Variants in ESR1 observed in about 807,000 individuals in gnomAD.
ESR1 encodes the protein estrogen receptor 1, also known as estrogen receptor.
ESR1 carries 12 observed loss-of-function variants against 52.7 expected under a neutral mutation model. The observed-to-expected ratio is 0.23, with a 90% CI of 0.15 to 0.37. ESR1 has a LOEUF of 0.37. Ranked by LOEUF, ESR1 falls within the 10% of genes least tolerant of loss-of-function variation. The pLI is 1.00. For missense variants in ESR1, 584 were observed against 779.7 expected, an observed-to-expected ratio of 0.75 and a Z score of 2.99; for synonymous variants, 305 against 316.8, an observed-to-expected ratio of 0.96 and a Z score of 0.39.
chr6:151,872,477 G>A (rs1791141465), intron 2 of ESR1, among the ~76,000 whole-genome samples: 1 of 152,288 alleles, frequency 6.6e-6, no homozygotes, highest in South Asian at 2.1e-4. Context: ...AAGATGATTA[G>A]TAGATGTTTT....
intron 1 of ESR1, among the ~76,000 whole-genome samples, chr6:151,700,794 A>G (rs149567647): frequency 6.6e-6 from 1 of 152,104 alleles, no homozygotes; most frequent in African/African-American, 2.4e-5. Context: ...TAAGAATTCA[A>G]CAAGTTTTTT....
At chr6:151,861,838 GA>G (rs1195107724) in intron 2 of ESR1, among the ~76,000 whole-genome samples, 1 of 152,100 alleles carries the variant, frequency 6.6e-6, no homozygotes, top group African/African-American at 2.4e-5. Context: ...ATGCTGACTG[GA>G]GTGGATTTTT....
At chr6:151,942,248 A>C (rs1584371084) in intron 3 of ESR1, among the ~76,000 whole-genome samples, 1 of 152,184 alleles carries the variant, frequency 6.6e-6, no homozygotes, top group African/African-American at 2.4e-5. Context: ...GTACCTACGT[A>C]ATGTCCTGAA....
At chr6:151,942,885 T>A (rs150548051) in intron 3 of ESR1, among the ~76,000 whole-genome samples, 11 of 152,320 alleles carry the variant, frequency 7.2e-5, no homozygotes, top group African/African-American at 2.6e-4. Context: ...TTGGAGAGAT[T>A]AACTTCTTTG....
intron 2 of ESR1, among the ~76,000 whole-genome samples, chr6:151,870,002 AT>A (rs1790673011): frequency 6.6e-6 from 1 of 152,084 alleles, no homozygotes; most frequent in Admixed American, 6.6e-5. Flanking sequence ...TCCTCACTGG[AT>A]TTTTAGGAAT....
chr6:151,999,234 T>C (rs2128738950), intron 4 of ESR1, among the ~76,000 whole-genome samples: 1 of 152,268 alleles, frequency 6.6e-6, no homozygotes, highest in Non-Finnish European at 1.5e-5. Flanking sequence ...TAAAATGATT[T>C]TGATTTCTCA....
At chr6:152,051,277 T>G (rs2046655884) in intron 5 of ESR1, among the ~76,000 whole-genome samples, 1 of 152,216 alleles carries the variant, frequency 6.6e-6, no homozygotes, top group Non-Finnish European at 1.5e-5. Context: ...TCTCCATATC[T>G]AGAGAGTCAG....
Position 151,979,400 on chromosome 6 carries a change from C to T in ESR1, c.1097-32256C>T, listed in dbSNP as rs9340937. ...TAAAATGATTTTAGGAGAAAATGGA[C>T]ATTAAATATACAACATTTCCTCCTT... is the stretch of plus-strand genomic sequence containing the variant. On this transcript the variant is annotated intron_variant, in intron 4 of 7. Coordinates refer to ENST00000206249, the MANE Select transcript of ESR1 (RefSeq NM_000125.4). 2.2e-4 allele frequency among the ~76,000 whole-genome samples: 34 copies of T among 152,110 alleles called. No individual in the cohort carries two copies. In the East Asian group the frequency reaches 5.6e-3, roughly 25 times the overall value.
intron 4 of ESR1, among the ~76,000 whole-genome samples, chr6:151,959,985 G>A (rs2037465119): frequency 1.3e-5 from 2 of 152,184 alleles, no homozygotes; most frequent in Non-Finnish European, 2.9e-5. Context: ...TAGAATGTAA[G>A]TTCTATGAGG....
chr6:151,675,869 A>G (rs1428842013), intron 1 of ESR1, among the ~76,000 whole-genome samples: 1 of 152,128 alleles, frequency 6.6e-6, no homozygotes, highest in Non-Finnish European at 1.5e-5. Flanking sequence ...TTAAGGACCA[A>G]TTTGCCAGGT....
intron 4 of ESR1, among the ~76,000 whole-genome samples, chr6:151,953,069 T>C (rs1200250494): frequency 1.3e-5 from 2 of 152,180 alleles, no homozygotes; most frequent in East Asian, 3.9e-4. Flanking sequence ...GGACTGACTA[T>C]AGTATAGCTG....
chr6:151,682,831 A>AC (rs1287316565), intron 1 of ESR1, among the ~76,000 whole-genome samples: 2 of 152,194 alleles, frequency 1.3e-5, no homozygotes, highest in South Asian at 2.1e-4. Context: ...TCCCCTGGGG[A>AC]CCCCCCATGT....
At chr6:152,068,033 A>G (rs2048105706) in intron 6 of ESR1, among the ~76,000 whole-genome samples, 1 of 152,226 alleles carries the variant, frequency 6.6e-6, no homozygotes, top group South Asian at 2.1e-4. Flanking sequence ...AATACAAACT[A>G]AGAGGGAAAC....
chr6:151,911,496 G>A (rs1459837470), intron 3 of ESR1, among the ~76,000 whole-genome samples: 1 of 151,884 alleles, frequency 6.6e-6, no homozygotes. Flanking sequence ...CTTTCCTATG[G>A]TTCATTTCCC....
intron 3 of ESR1, among the ~76,000 whole-genome samples, chr6:151,938,703 T>G (rs1248482863): frequency 6.6e-6 from 1 of 152,138 alleles, no homozygotes; most frequent in Non-Finnish European, 1.5e-5. Context: ...TTCCCATAAG[T>G]TAACACCTCC....
chr6:151,700,060 G>A (rs952529256), intron 1 of ESR1, among the ~76,000 whole-genome samples: 2 of 150,534 alleles, frequency 1.3e-5, no homozygotes, highest in Non-Finnish European at 2.9e-5. Flanking sequence ...TATTTAGAGC[G>A]AGACTAGAGG....
chr6:151,683,519 T>C (rs886384482), intron 1 of ESR1, among the ~76,000 whole-genome samples: 11 of 151,368 alleles, frequency 7.3e-5, no homozygotes, highest in African/African-American at 2.2e-4. Flanking sequence ...ACCTTGGATG[T>C]AGGTGGAGTA....
At chr6:152,077,354 C>G (rs931793641) in intron 6 of ESR1, among the ~76,000 whole-genome samples, 11 of 152,160 alleles carry the variant, frequency 7.2e-5, no homozygotes, top group Admixed American at 3.3e-4. Context: ...GATACCCAGG[C>G]AAACATTTGC....
chr6:151,865,483 A>C (rs1479328615), intron 2 of ESR1, among the ~76,000 whole-genome samples: 2 of 152,196 alleles, frequency 1.3e-5, no homozygotes, highest in Admixed American at 6.5e-5. Context: ...CCAGGATCGC[A>C]TGGAGCTTGG....
Sources: gnomAD v4.1 joint callset for allele counts (sites outside exome capture counted in the v4.1 genomes callset) on GRCh38, gnomAD v4.1.1 for gene constraint, MANE v1.5 for transcripts, NCBI Gene and HGNC (gene_info 2026-07-23, HGNC 2026-07-21) for gene names.